Variants in AIFM3 observed in about 807,000 individuals in gnomAD.
AIFM3 encodes the protein apoptosis-inducing factor 3.
In AIFM3, 71 loss-of-function variants were observed where a neutral mutation model predicts 82.7. That is an observed-to-expected ratio of 0.86 (90% confidence interval 0.71 to 1.05). The LOEUF is 1.05. Ranked by LOEUF, AIFM3 falls within the 50% of genes least tolerant of loss-of-function variation. AIFM3 has a pLI of 0.00. For missense variants in AIFM3, 748 were observed against 816.7 expected, an observed-to-expected ratio of 0.92 and a Z score of 1.03; for synonymous variants, 337 against 329.1, an observed-to-expected ratio of 1.02 and a Z score of -0.26.
intron 14 of AIFM3, chr22:20,977,378 C>T (rs372885665): frequency 3.2e-4 from 190 of 603,102 alleles, no homozygotes; most frequent in African/African-American, 2.5e-3. Context: ...CTGGCTTCTG[C>T]TCCAGCTGAA....
chr22:20,967,949 G>A lies in AIFM3; in HGVS notation c.5G>A (p.Gly2Asp), dbSNP rs746707375. The change falls in exon 2 of 21, where the codon GGC becomes GAC. Residue 2 changes from glycine (G) to aspartate (D), a missense_variant. Around this residue, in one of 5 missense-constraint regions of AIFM3, gnomAD observed 17 missense variants for 19.0 expected, o/e 0.89. Coordinates refer to ENST00000440238, the MANE Select transcript of AIFM3 (RefSeq NM_001386814.1). Reference protein sequence around the residue: MGGCFSKPKPVE... With the variant: MDGCFSKPKPVE... ...GCCATCCTCAGGCCACTCGCCATGG[G>A]CGGCTGCTTCTCCAAACCCAAACCA... 1.9e-6 allele frequency: 3 copies of A among 1,614,132 alleles called. No homozygotes were observed. The highest frequency in any genetic ancestry group is 2.5e-6 in the Non-Finnish European group (3 of 1,179,986).
rs750519183 is a variant in AIFM3 at position 20,977,088 on chromosome 22, G to A, written c.1275G>A (p.Val425=). 2 of 1,614,144 alleles carry A rather than the reference G, an allele frequency of 1.2e-6. No individual in the cohort carries two copies. The highest frequency in any genetic ancestry group is 1.7e-5 in the Admixed American group (1 of 60,026). ...TCGTGCGGGCTGACGTCTGCGTGGT[G>A]GGCATTGGTGAGTTGGTGTGTGGGC... ...SKVVRADVCV[V]GIGAVPATGF... Residue 425 remains valine (V), a synonymous_variant, in exon 14 of 21, where the codon GTG becomes GTA. Transcript: ENST00000440238.
intron 17 of AIFM3, 109 bp downstream of exon 17, chr22:20,979,478 G>A (rs1402197827): frequency 2.0e-6 from 3 of 1,476,050 alleles, no homozygotes; most frequent in African/African-American, 2.8e-5. Flanking sequence ...GCACTAGGAA[G>A]AGGCCGGTAA....
chr22:20,979,367 CG>C lies in AIFM3; in HGVS notation c.1576+1del. 4 of 1,285,886 alleles carry C rather than the reference CG, an allele frequency of 3.1e-6. No homozygotes were observed. Among genetic ancestry groups the C allele is most frequent in the Non-Finnish European group, 4.0e-6 (4 of 988,262 alleles). 79.7% of individuals were successfully genotyped at this position (1,285,886 alleles called of 1,614,324 possible). A position where few individuals can be genotyped will look rare whatever the true frequency, so the allele number is the denominator to read the frequency against. ...TAMFGKSLRY[A>X]GYGEGFDDVI... ...ATGTTTGGCAAGAGCCTGCGCTACG[CG>C]GGTAACCCCGGGGCCTCGGATGGGG... is the stretch of plus-strand genomic sequence containing the variant. On this transcript the variant is annotated frameshift_variant and splice_region_variant, in exon 17 of 21. Coordinates refer to ENST00000440238, the MANE Select transcript of AIFM3 (RefSeq NM_001386814.1). LOFTEE classifies it high-confidence loss of function.
At chr22:20,975,119 CCAT>C (rs1555925431) in intron 8 of AIFM3, among the ~76,000 whole-genome samples, 2 of 152,130 alleles carry the variant, frequency 1.3e-5, no homozygotes, top group Non-Finnish European at 2.9e-5. Context: ...TGCACCACCA[CCAT>C]GCCTGGCTAA....
intron 18 of AIFM3, 48 bp downstream of exon 18, chr22:20,979,750 C>G (rs758142515): frequency 6.2e-7 from 1 of 1,604,966 alleles, no homozygotes; most frequent in Non-Finnish European, 8.5e-7. Flanking sequence ...GGAGCTCAGT[C>G]GGGAAGGGGG....
rs775730291 is a variant in AIFM3, at chr22:20,980,007, C to T, written c.1653-13C>T. The stretch of plus-strand genomic sequence containing the variant: ...CCTCGCAGTCCTCAGGCTTGGCCAT[C>T]CTCTCCTTGCAGAGGCGACGAGGTG... On this transcript the variant is annotated splice_polypyrimidine_tract_variant and intron_variant, in intron 18 of 20. Transcript: ENST00000440238. 1 of 1,608,040 alleles carries T rather than the reference C, an allele frequency of 6.2e-7. No homozygotes were observed. Among genetic ancestry groups the T allele is most frequent in the Non-Finnish European group, 8.5e-7 (1 of 1,178,746 alleles).
In AIFM3 at chr22:20,974,139, CTT is replaced by C. The variant is rs770515250; in HGVS notation, c.433_434del (p.Phe145ProfsTer14). ...FNISTGDLED[F>X]PGLDSLHKFQ... ...ACATCAGCACTGGGGACCTGGAGGACTTCCCTGGCCTGGACAGTCTACACAAG... is the reference window on the plus strand; with the variant it reads ...ACATCAGCACTGGGGACCTGGAGGACCCCTGGCCTGGACAGTCTACACAAG... On this transcript the variant is annotated frameshift_variant, in exon 5 of 21. Coordinates refer to ENST00000440238, the MANE Select transcript of AIFM3 (RefSeq NM_001386814.1). LOFTEE classifies it high-confidence loss of function. The C allele has an allele frequency of 2.7e-5, 44 of 1,613,262 alleles. No homozygotes were observed. The highest frequency in any genetic ancestry group is 4.0e-5 in the African/African-American group (3 of 74,856).
At chr22:20,974,038 G>T in intron 4 of AIFM3, 25 bp from the exon 5 acceptor site, 1 of 1,581,760 alleles carries the variant, frequency 6.3e-7, no homozygotes, top group South Asian at 1.1e-5. Flanking sequence ...GCTGGTGGGC[G>T]CAGCCTAACA....
intron 9 of AIFM3, 30 bp downstream of exon 9, chr22:20,975,808 G>T: frequency 6.2e-7 from 1 of 1,605,838 alleles, no homozygotes; most frequent in Non-Finnish European, 8.5e-7. Flanking sequence ...AAACAGGCCC[G>T]AGGAGGGAAG....
At chr22:20,973,566 T>A in intron 3 of AIFM3, 46 bp downstream of exon 3, 1 of 1,550,228 alleles carries the variant, frequency 6.5e-7, no homozygotes, top group Non-Finnish European at 8.8e-7. Flanking sequence ...GGTCCCAAGG[T>A]GGGAGGGTGA....
rs1414535450 is a variant in AIFM3 at position 20,973,481 on chromosome 22, A to G, written c.206A>G (p.Glu69Gly). The G allele has an allele frequency of 1.9e-6, 3 of 1,612,630 alleles. No individual in the cohort carries two copies. Among genetic ancestry groups the G allele is most frequent in the East Asian group, 2.2e-5 (1 of 44,840 alleles). Residue 69 changes from glutamate (E) to glycine (G), a missense_variant, in exon 3 of 21, where the codon GAG becomes GGG. Transcript: ENST00000440238. The stretch of plus-strand genomic sequence containing the variant: ...TACCCCAGCCCTCAGGATTGCGTGG[A>G]GGCTGCTGTCTGCCACGTCAAGGAC... Reference protein sequence around the residue: ...HPYPSPQDCVEAAVCHVKDLE... With the variant: ...HPYPSPQDCVGAAVCHVKDLE...
chr22:20,975,719 G>T lies in AIFM3; in HGVS notation c.748G>T (p.Ala250Ser). 6.2e-7 allele frequency: 1 copy of T among 1,613,770 alleles called. No homozygotes were observed. Residue 250 changes from alanine to serine, a missense_variant, in exon 9 of 21, where the codon GCC (alanine) becomes TCC (serine). By Grantham distance (99) the Ala-to-Ser change is moderately conservative. Transcript: ENST00000440238. ...KSLDTQPEQL[A>S]LRPKEFFRAY... ...CCTGGACACACAGCCTGAGCAGCTG[G>T]CCCTGAGGCCCAAGGAGTTTTTCCG...
At chr22:20,980,717 T>C in intron 19 of AIFM3, 30 bp from the exon 20 acceptor site, 1 of 1,614,156 alleles carries the variant, frequency 6.2e-7, no homozygotes, top group African/African-American at 1.3e-5. Context: ...CTTGGCCTTC[T>C]CTCCGTTTCT....
At chr22:20,977,418 A>G (rs146569541) in intron 14 of AIFM3, 3 of 601,114 alleles carry the variant, frequency 5.0e-6, no homozygotes, top group Non-Finnish European at 8.9e-6. Flanking sequence ...CCAAGATGGG[A>G]GGTGGTAGCA....
intron 14 of AIFM3, 90 bp from the exon 15 acceptor site, chr22:20,977,610 C>G: frequency 6.6e-7 from 1 of 1,517,094 alleles, no homozygotes; most frequent in Non-Finnish European, 9.1e-7. Flanking sequence ...CAGTCTGGGG[C>G]TGGCACATCA....
rs369724765 is a variant in AIFM3, at chr22:20,976,531, C to T, written c.1023C>T (p.Gly341=). 6.2e-6 allele frequency: 10 copies of T among 1,613,244 alleles called. No individual in the cohort carries two copies. The highest frequency in any genetic ancestry group is 8.5e-6 in the Non-Finnish European group (10 of 1,180,026). Residue 341 remains glycine, a synonymous_variant, in exon 11 of 21, where the codon GGC becomes GGT. Coordinates refer to ENST00000440238, the MANE Select transcript of AIFM3 (RefSeq NM_001386814.1). The stretch of plus-strand genomic sequence containing the variant: ...GCAACGTGGTCGTCGTGGGAGCCGG[C>T]TTCCTGGGTGAGAGGTAGTGGGCAG... ...RGRNVVVVGA[G]FLGMEVAAYL...
rs80133973 is a variant in AIFM3 at position 20,974,038 on chromosome 22, G to A, written c.356-25G>A. On this transcript the variant is annotated intron_variant, in intron 4 of 20. Coordinates refer to ENST00000440238, the MANE Select transcript of AIFM3 (RefSeq NM_001386814.1). ...TGGGAAGCAACCCCTGCTGGTGGGC[G>A]CAGCCTAACACCTCCCCTTCCCAGG... The A allele has an allele frequency of 1.1e-5, 18 of 1,581,760 alleles. No homozygotes were observed. In the Middle Eastern group the frequency reaches 6.5e-4, roughly 57 times the overall value.
At chr22:20,979,406 G>A (rs1374370572) in intron 17 of AIFM3, 37 bp downstream of exon 17, 2 of 1,538,600 alleles carry the variant, frequency 1.3e-6, no homozygotes, top group Non-Finnish European at 1.8e-6. Context: ...GGGGCCGAGG[G>A]CGTTTAGGGG....
Sources: gnomAD v4.1 joint callset for allele counts (sites outside exome capture counted in the v4.1 genomes callset) on GRCh38, gnomAD v4.1.1 for gene constraint, gnomAD v4.1.1 regional missense constraint, MANE v1.5 for transcripts, NCBI Gene and HGNC (gene_info 2026-07-23, HGNC 2026-07-21) for gene names.